Variants in PIEZO2 observed in about 807,000 individuals in gnomAD.
PIEZO2 encodes the protein piezo-type mechanosensitive ion channel component 2.
Under a neutral mutation model 337.3 loss-of-function variants are expected in PIEZO2, and 172 were observed. The ratio of observed to expected loss-of-function variants is 0.51; its 90% CI spans 0.45 to 0.58. The LOEUF (loss-of-function observed/expected upper bound fraction) is 0.58. PIEZO2 is among the 20% of genes least tolerant of loss of function. The pLI is 0.00. For missense variants in PIEZO2, 3,028 were observed against 3,391.3 expected (o/e 0.89, Z 2.66); for synonymous variants, 1,251 against 1,228.5 (o/e 1.02, Z -0.38).
chr18:11,086,970 TC>T (rs1002721033), intron 1 of PIEZO2, among the ~76,000 whole-genome samples: 3 of 152,214 alleles, frequency 2.0e-5, no homozygotes, highest in Admixed American at 6.5e-5. Flanking sequence ...AATGTTTGTG[TC>T]CCCCCAAAAT....
chr18:10,925,503 A>G (rs765529627), intron 3 of PIEZO2, among the ~76,000 whole-genome samples: 7 of 152,198 alleles, frequency 4.6e-5, no homozygotes, highest in Non-Finnish European at 1.0e-4. Flanking sequence ...ATCAGGCTGC[A>G]TGCACACACA....
chr18:10,990,388 T>A (rs1033080181), intron 2 of PIEZO2, among the ~76,000 whole-genome samples: 3 of 152,126 alleles, frequency 2.0e-5, no homozygotes, highest in African/African-American at 7.2e-5. Flanking sequence ...TGGTTAATCC[T>A]CTAATAAAGT....
In PIEZO2 at chr18:10,748,750, C is replaced by T; in HGVS notation, c.4265-120G>A. 9 of 882,416 alleles carry T rather than the reference C, an allele frequency of 1.0e-5. No homozygotes were observed. Among genetic ancestry groups the T allele is most frequent in the Middle Eastern group, 3.3e-4 (1 of 3,022 alleles). The allele number at this position is 882,416 out of a possible 1,614,324, so 54.7% of individuals were successfully genotyped here. A position where few individuals can be genotyped will look rare whatever the true frequency, so the allele number is the denominator to read the frequency against. ...GGCATAAAAGCAGCATTCTGATGCT[C>T]TGACTTACTTATGAGTTGATTTATT... On this transcript the variant is annotated intron_variant, in intron 29 of 55. Coordinates refer to ENST00000674853, the MANE Select transcript of PIEZO2 (RefSeq NM_001378183.1). The surrounding 1 kb of genome is among the most constrained non-coding windows in gnomAD (Gnocchi z 5.1).
rs1191249271 is a variant in PIEZO2 at position 11,009,264 on chromosome 18, G to GCTT, written c.161-29607_161-29605dup. 6.6e-6 allele frequency among the ~76,000 whole-genome samples: 1 copy of GCTT among 152,180 alleles called. No individual in the cohort carries two copies. The highest frequency in any genetic ancestry group is 1.5e-5 in the Non-Finnish European group (1 of 68,032). ...TTGCTGAGTCTCTGAAGAGTGCTGG[G>GCTT]CTTCACAAGCCCTGATGTGCATTGA... is the stretch of plus-strand genomic sequence containing the variant. On this transcript the variant is annotated intron_variant, in intron 2 of 55. Transcript: ENST00000674853. This position sits in a 1 kb window ranked among gnomAD's most constrained non-coding sequence, Gnocchi z 4.6.
At chr18:10,906,916 G>A (rs1012216626) in intron 4 of PIEZO2, among the ~76,000 whole-genome samples, 1 of 152,070 alleles carries the variant, frequency 6.6e-6, no homozygotes, top group Non-Finnish European at 1.5e-5. Flanking sequence ...TGGCCGTGTG[G>A]TGCCTGAGTA....
At position 10,945,129 on chromosome 18, in the gene PIEZO2, G is replaced by A. The variant is rs1444922532; in HGVS notation, c.287-33901C>T. 6.6e-6 allele frequency among the ~76,000 whole-genome samples: 1 copy of A among 152,194 alleles called. No homozygotes were observed. Among genetic ancestry groups the A allele is most frequent in the Non-Finnish European group, 1.5e-5 (1 of 68,026 alleles). ...TGTGAATTCAGCCAAGTAGTGACCA[G>A]TACATGCATGTGAGGAAACTACCTG... On this transcript the variant is annotated intron_variant, in intron 3 of 55. Coordinates refer to ENST00000674853, the MANE Select transcript of PIEZO2 (RefSeq NM_001378183.1). The surrounding 1 kb of genome is among the most constrained non-coding windows in gnomAD (Gnocchi z 4.0).
rs370677713 is a variant in PIEZO2 at position 10,931,529 on chromosome 18, A to T, written c.287-20301T>A. Among the ~76,000 whole-genome samples the T allele has an allele frequency of 7.2e-5, 11 of 152,312 alleles. No homozygotes were observed. The East Asian group carries it at 1.7e-3, about 24-fold the overall frequency. ...ACTTATAATTTTAATAGACTCTAGA[A>T]CTTAATACTTTCAAAGGATTTTTCC... On this transcript the variant is annotated intron_variant, in intron 3 of 55. Transcript: ENST00000674853.
chr18:10,987,165 A>G (rs2034907862), intron 2 of PIEZO2, among the ~76,000 whole-genome samples: 1 of 152,128 alleles, frequency 6.6e-6, no homozygotes, highest in African/African-American at 2.4e-5. Flanking sequence ...TGCAATATCT[A>G]TCAAAATTCC....
chr18:10,931,522 C>T (rs1212146083), intron 3 of PIEZO2, among the ~76,000 whole-genome samples: 1 of 152,132 alleles, frequency 6.6e-6, no homozygotes, highest in Non-Finnish European at 1.5e-5. Context: ...TTTTAATAGA[C>T]TCTAGAACTT....
Position 10,771,939 on chromosome 18 carries a change from T to C in PIEZO2, c.2785+1473A>G, listed in dbSNP as rs112206414. On this transcript the variant is annotated intron_variant, in intron 20 of 55. Coordinates refer to ENST00000674853, the MANE Select transcript of PIEZO2 (RefSeq NM_001378183.1). Reference sequence around the variant, plus strand: ...TGCAGTGCTGTGTTCAAGTCACTCTTATTTTACTTTCTAATGGCTCCAAGT... The same window carrying C: ...TGCAGTGCTGTGTTCAAGTCACTCTCATTTTACTTTCTAATGGCTCCAAGT... Among the ~76,000 whole-genome samples, 849 of 152,334 alleles carry C rather than the reference T, an allele frequency of 5.6e-3. 10 individuals are homozygous for C. The highest frequency in any genetic ancestry group is 0.018 in the African/African-American group (756 of 41,578).
chr18:10,960,686 A>C (rs2033733344), intron 3 of PIEZO2, among the ~76,000 whole-genome samples: 1 of 152,214 alleles, frequency 6.6e-6, no homozygotes, highest in Admixed American at 6.5e-5. Flanking sequence ...ACCTTAATTT[A>C]AAAGTTACAT....
Position 10,859,374 on chromosome 18 carries a change from G to A in PIEZO2, c.493-2163C>T, listed in dbSNP as rs2041812920. Among the ~76,000 whole-genome samples, 2 of 152,152 alleles carry A rather than the reference G, an allele frequency of 1.3e-5. No individual in the cohort carries two copies. Among genetic ancestry groups the A allele is most frequent in the Admixed American group, 1.3e-4 (2 of 15,272 alleles). On this transcript the variant is annotated intron_variant, in intron 5 of 55. Coordinates refer to ENST00000674853, the MANE Select transcript of PIEZO2 (RefSeq NM_001378183.1). The surrounding 1 kb of genome is among the most constrained non-coding windows in gnomAD (Gnocchi z 4.9). ...TACTGCTCCCAGAGAGGAGCTGCCAGCTCCAGCCAGTACATCAGACCACTC... is the reference window on the plus strand; with the variant it reads ...TACTGCTCCCAGAGAGGAGCTGCCAACTCCAGCCAGTACATCAGACCACTC...
At chr18:10,803,575 C>A (rs2039897643) in intron 9 of PIEZO2, among the ~76,000 whole-genome samples, 1 of 152,092 alleles carries the variant, frequency 6.6e-6, no homozygotes, top group Non-Finnish European at 1.5e-5. Context: ...TAACAGATTG[C>A]TTTGCTACTT....
intron 7 of PIEZO2, among the ~76,000 whole-genome samples, chr18:10,832,157 G>T (rs1371985611): frequency 6.6e-6 from 1 of 152,068 alleles, no homozygotes; most frequent in Non-Finnish European, 1.5e-5. Flanking sequence ...AATTAGCCAG[G>T]TGTGGTAGTG....
At chr18:10,957,424 A>G (rs571498779) in intron 3 of PIEZO2, among the ~76,000 whole-genome samples, 1 of 148,350 alleles carries the variant, frequency 6.7e-6, no homozygotes, top group Admixed American at 6.6e-5. Context: ...AAACAAAGCA[A>G]CAACAACAAC....
At chr18:10,840,206 C>T (rs76536564) in intron 7 of PIEZO2, among the ~76,000 whole-genome samples, 8,845 of 152,112 alleles carry the variant, frequency 0.058, 361 homozygotes, top group Non-Finnish European at 0.084. Flanking sequence ...AAGTCAAATA[C>T]TAACTTTATG....
At position 11,146,476 on chromosome 18, in the gene PIEZO2, G is replaced by T. The variant is rs2040815530; in HGVS notation, c.64+2049C>A. Among the ~76,000 whole-genome samples the T allele has an allele frequency of 6.6e-6, 1 of 152,158 alleles. No homozygotes were observed. Among genetic ancestry groups the T allele is most frequent in the African/African-American group, 2.4e-5 (1 of 41,438 alleles). ...CCCTGGCTGCGAGTCACCGCCCCGA[G>T]CCCCTGTGCCCAGCAACCCAAGCTG... On this transcript the variant is annotated intron_variant, in intron 1 of 55. Transcript: ENST00000674853. This position sits in a 1 kb window ranked among gnomAD's most constrained non-coding sequence, Gnocchi z 6.1.
chr18:10,900,926 T>C (rs959500989), intron 4 of PIEZO2, among the ~76,000 whole-genome samples: 1 of 152,196 alleles, frequency 6.6e-6, no homozygotes, highest in African/African-American at 2.4e-5. Context: ...ATGCTAATTA[T>C]AGTATAGAAA....
In PIEZO2 at chr18:10,784,640, CT is replaced by C; in HGVS notation, c.2492+143del. 1.3e-6 allele frequency: 1 copy of C among 764,216 alleles called. No homozygotes were observed. The highest frequency in any genetic ancestry group is 2.0e-6 in the Non-Finnish European group (1 of 504,072). 47.3% of individuals were successfully genotyped at this position (764,216 alleles called of 1,614,324 possible). ...CACAGAATCTTCCACATGTTTTCCT[CT>C]TTTTCTCACAAGCTGATACTCATGG... On this transcript the variant is annotated intron_variant, in intron 17 of 55. Coordinates refer to ENST00000674853, the MANE Select transcript of PIEZO2 (RefSeq NM_001378183.1). This position sits in a 1 kb window ranked among gnomAD's most constrained non-coding sequence, Gnocchi z 4.5.
Sources: allele counts gnomAD v4.1 joint callset (sites outside exome capture counted in the v4.1 genomes callset), GRCh38; gene constraint gnomAD v4.1.1; non-coding constraint Gnocchi (gnomAD v3.1); transcripts MANE v1.5; gene names NCBI Gene and HGNC (gene_info 2026-07-23, HGNC 2026-07-21).